IGFBP5: variants seen among roughly 807,000 people sequenced by gnomAD.
IGFBP5 encodes insulin like growth factor binding protein 5.
A neutral mutation model predicts 28.0 loss-of-function variants in IGFBP5; 12 were observed. That is an observed-to-expected ratio of 0.43 (90% CI 0.27 to 0.69). The LOEUF is 0.69. IGFBP5 is among the 30% of genes least tolerant of loss of function. IGFBP5 has a pLI of 0.20. For synonymous variants in IGFBP5, 152 were observed against 150.2 expected, an observed-to-expected ratio of 1.01 and a Z score of -0.09; for missense variants, 344 against 381.6, an observed-to-expected ratio of 0.90 and a Z score of 0.82.
At position 216,694,144 on chromosome 2, in the gene IGFBP5, T is replaced by C. The variant is rs976883561; in HGVS notation, c.337+295A>G. On this transcript the variant is annotated intron_variant, in intron 1 of 3. Transcript: ENST00000233813. The surrounding 1 kb of genome is among the most constrained non-coding windows in gnomAD (Gnocchi z 5.2). ...ATAGGGTACCAGGGGATTTGGACCT[T>C]GTGACCGAATAAGAGCTCAGAATCA... Among the ~76,000 whole-genome samples the C allele has an allele frequency of 1.1e-4, 16 of 150,504 alleles. No homozygotes were observed. Among genetic ancestry groups the C allele is most frequent in the African/African-American group, 3.9e-4 (16 of 40,718 alleles).
At chr2:216,688,887 T>C (rs2106224127) in intron 1 of IGFBP5, among the ~76,000 whole-genome samples, 1 of 152,286 alleles carries the variant, frequency 6.6e-6, no homozygotes. Context: ...CAGGATGTAT[T>C]AGAATGGGTC....
intron 1 of IGFBP5, among the ~76,000 whole-genome samples, chr2:216,690,967 C>T (rs538551372): frequency 2.0e-5 from 3 of 151,562 alleles, no homozygotes; most frequent in Non-Finnish European, 2.9e-5. Context: ...TCCCAACTCC[C>T]GTTTTGGTTG....
chr2:216,686,635 C>A (rs906806610), intron 1 of IGFBP5, among the ~76,000 whole-genome samples: 6 of 146,388 alleles, frequency 4.1e-5, no homozygotes, highest in African/African-American at 1.5e-4. Context: ...AATAAATAAA[C>A]AAACCTTGGT....
chr2:216,683,234 T>C (rs1375257070), intron 1 of IGFBP5, among the ~76,000 whole-genome samples: 2 of 152,046 alleles, frequency 1.3e-5, no homozygotes, highest in African/African-American at 4.8e-5. Context: ...GACCGGAGGA[T>C]TGCTTGAGCC....
rs756330404 is a variant in IGFBP5 at position 216,674,202 on chromosome 2, C to T, written c.*2549G>A. ...TTGGCAGATCCTAGTTGGATAACTG[C>T]TCAAGATGCAAAGGGAGAATGGGTG... On this transcript the variant is annotated 3_prime_UTR_variant, in exon 4 of 4. Coordinates refer to ENST00000233813, the MANE Select transcript of IGFBP5 (RefSeq NM_000599.4). The surrounding 1 kb of genome is among the most constrained non-coding windows in gnomAD (Gnocchi z 4.4). 2.6e-5 allele frequency: 4 copies of T among 153,028 alleles called. No homozygotes were observed. Among genetic ancestry groups the T allele is most frequent in the Non-Finnish European group, 4.4e-5 (3 of 68,102 alleles). 9.5% of individuals were successfully genotyped at this position (153,028 alleles called of 1,614,324 possible).
chr2:216,682,275 T>C (rs991750466), intron 1 of IGFBP5, among the ~76,000 whole-genome samples: 6 of 152,094 alleles, frequency 3.9e-5, no homozygotes, highest in African/African-American at 1.4e-4. Context: ...TGGTCACCTG[T>C]AGGCTCCAGA....
In IGFBP5 at chr2:216,679,512, C is replaced by T. The variant is rs722324; in HGVS notation, c.338-433G>A. On this transcript the variant is annotated intron_variant, in intron 1 of 3. Coordinates refer to ENST00000233813, the MANE Select transcript of IGFBP5 (RefSeq NM_000599.4). This position sits in a 1 kb window ranked among gnomAD's most constrained non-coding sequence, Gnocchi z 4.6. Reference sequence around the variant, plus strand: ...GAGGTGGGGCTGAGAAGTAGGAACCCGGGAATCTGGGCCCATGGAGGCAGA... The same window carrying T: ...GAGGTGGGGCTGAGAAGTAGGAACCTGGGAATCTGGGCCCATGGAGGCAGA... 0.011 allele frequency among the ~76,000 whole-genome samples: 1,708 copies of T among 152,172 alleles called. 14 individuals are homozygous for T. The highest frequency in any genetic ancestry group is 0.017 in the Non-Finnish European group (1,162 of 67,998).
rs544978757 is a variant in IGFBP5 at position 216,682,563 on chromosome 2, T to C, written c.338-3484A>G. Among the ~76,000 whole-genome samples, 7 of 152,308 alleles carry C rather than the reference T, an allele frequency of 4.6e-5. No individual in the cohort carries two copies. In the South Asian group the frequency reaches 1.0e-3, roughly 23 times the overall value. ...ACCCGGGAGGACTTCCTGGTGAAGA[T>C]TGTTCTGCACGTGAACAGCAAAAGA... On this transcript the variant is annotated intron_variant, in intron 1 of 3. Coordinates refer to ENST00000233813, the MANE Select transcript of IGFBP5 (RefSeq NM_000599.4).
intron 1 of IGFBP5, among the ~76,000 whole-genome samples, chr2:216,682,898 T>C (rs375548604): frequency 6.6e-5 from 10 of 151,954 alleles, no homozygotes; most frequent in East Asian, 5.9e-4. Context: ...TTAGTAGAGA[T>C]GGGGTTTCAC....
Position 216,673,302 on chromosome 2 carries a change from GA to G in IGFBP5, c.*3448del. 6.5e-6 allele frequency: 1 copy of G among 152,964 alleles called. No homozygotes were observed. 9.5% of individuals were successfully genotyped at this position (152,964 alleles called of 1,614,324 possible). ...GGGTGGGAGAGAAGGGGCATGATCA[GA>G]AAAGGGCCTCCCTGGACCTCGTGCG... On this transcript the variant is annotated 3_prime_UTR_variant, in exon 4 of 4. Coordinates refer to ENST00000233813, the MANE Select transcript of IGFBP5 (RefSeq NM_000599.4). The surrounding 1 kb of genome is among the most constrained non-coding windows in gnomAD (Gnocchi z 4.3).
chr2:216,681,506 G>C (rs1688977602), intron 1 of IGFBP5, among the ~76,000 whole-genome samples: 1 of 152,188 alleles, frequency 6.6e-6, no homozygotes, highest in African/African-American at 2.4e-5. Context: ...TCTTCAAGGG[G>C]AGACAGCCTG....
intron 1 of IGFBP5, among the ~76,000 whole-genome samples, chr2:216,685,824 A>G (rs941443646): frequency 2.6e-5 from 4 of 152,066 alleles, no homozygotes; most frequent in African/African-American, 9.7e-5. Context: ...TACCCATCCC[A>G]TCTCTGACCA....
intron 1 of IGFBP5, among the ~76,000 whole-genome samples, chr2:216,687,250 G>A (rs138572660): frequency 2.6e-5 from 4 of 152,300 alleles, no homozygotes; most frequent in Admixed American, 2.6e-4. Flanking sequence ...TCTCCACTTA[G>A]AGAGCTCCCC....
At chr2:216,686,122 T>C (rs1335523691) in intron 1 of IGFBP5, among the ~76,000 whole-genome samples, 2 of 152,148 alleles carry the variant, frequency 1.3e-5, no homozygotes, top group African/African-American at 4.8e-5. Context: ...TGATGAGGGC[T>C]ATAGGTGTAC....
In IGFBP5 at chr2:216,694,237, C is replaced by T. The variant is rs558862299; in HGVS notation, c.337+202G>A. ...TAGGAGGAAGGAGAAAGAGCGAAAG[C>T]TGGGATAGACTCGGCTAGACAGTTC... is the stretch of plus-strand genomic sequence containing the variant. On this transcript the variant is annotated intron_variant, in intron 1 of 3. Transcript: ENST00000233813. The surrounding 1 kb of genome is among the most constrained non-coding windows in gnomAD (Gnocchi z 5.2). 5.3e-5 allele frequency among the ~76,000 whole-genome samples: 8 copies of T among 152,178 alleles called. No homozygotes were observed. Among genetic ancestry groups the T allele is most frequent in the Non-Finnish European group, 1.0e-4 (7 of 68,002 alleles).
rs1268271983 is a variant in IGFBP5, at chr2:216,675,438, A to G, written c.*1313T>C. 1 of 152,480 alleles carries G rather than the reference A, an allele frequency of 6.6e-6. No individual in the cohort carries two copies. Among genetic ancestry groups the G allele is most frequent in the African/African-American group, 2.4e-5 (1 of 41,404 alleles). The allele number at this position is 152,480 out of a possible 1,614,324, so 9.4% of individuals were successfully genotyped here. A position where few individuals can be genotyped will look rare whatever the true frequency, so the allele number is the denominator to read the frequency against. ...GTGACTTCCTGAGGGTTTAAAGACT[A>G]AAATGGGATGGACTGAGGCGCGTGC... On this transcript the variant is annotated 3_prime_UTR_variant, in exon 4 of 4. Coordinates refer to ENST00000233813, the MANE Select transcript of IGFBP5 (RefSeq NM_000599.4).
At chr2:216,683,588 T>A (rs561562270) in intron 1 of IGFBP5, among the ~76,000 whole-genome samples, 133 of 152,274 alleles carry the variant, frequency 8.7e-4, no homozygotes, top group Middle Eastern at 3.4e-3. Context: ...GGCATTCTGC[T>A]GTTTCTGTAA....
At chr2:216,684,124 A>T (rs780017152) in intron 1 of IGFBP5, among the ~76,000 whole-genome samples, 7 of 152,300 alleles carry the variant, frequency 4.6e-5, no homozygotes, top group Middle Eastern at 6.8e-3. Context: ...TAGGGTGAGA[A>T]ATACTCCATG....
In IGFBP5 at chr2:216,674,582, G is replaced by A. The variant is rs962483073; in HGVS notation, c.*2169C>T. The A allele has an allele frequency of 6.6e-6, 1 of 152,262 alleles. No individual in the cohort carries two copies. The highest frequency in any genetic ancestry group is 2.4e-5 in the African/African-American group (1 of 41,452). The allele number at this position is 152,262 out of a possible 1,614,324, so 9.4% of individuals were successfully genotyped here. ...CCATGAGCAAAGAGTGAAGAGAGCT[G>A]TGTCCACAGCACGAAGGGGTCTCCT... On this transcript the variant is annotated 3_prime_UTR_variant, in exon 4 of 4. Transcript: ENST00000233813. The surrounding 1 kb of genome is among the most constrained non-coding windows in gnomAD (Gnocchi z 4.4).
Sources: gnomAD v4.1 joint callset for allele counts (sites outside exome capture counted in the v4.1 genomes callset) on GRCh38, gnomAD v4.1.1 for gene constraint, Gnocchi (gnomAD v3.1) non-coding constraint, MANE v1.5 for transcripts, NCBI Gene and HGNC (gene_info 2026-07-23, HGNC 2026-07-21) for gene names.